Variants in ATP2A3 observed in about 807,000 individuals in gnomAD.
The protein encoded by ATP2A3 is sarcoplasmic/endoplasmic reticulum calcium ATPase 3.
Under a neutral mutation model 106.8 loss-of-function variants are expected in ATP2A3, and 61 were observed. That is an observed-to-expected ratio of 0.57 (90% CI 0.46 to 0.71). The LOEUF (loss-of-function observed/expected upper bound fraction) is 0.71, where lower values mean the gene tolerates loss of function less well. Among genes scored for constraint, ATP2A3 ranks in the 30% least tolerant of loss-of-function variants. The pLI is 0.00. For missense variants in ATP2A3, 1,201 were observed against 1,423.5 expected (o/e 0.84, Z 2.52); for synonymous variants, 611 against 609.3 (o/e 1.00, Z -0.04).
chr17:3,933,149 C>T (rs1405488607), intron 17 of ATP2A3, among the ~76,000 whole-genome samples: 13 of 151,460 alleles, frequency 8.6e-5, no homozygotes, highest in African/African-American at 2.4e-4. Flanking sequence ...GGCATGATGG[C>T]GGGTGCCTGT....
At chr17:3,933,512 C>A (rs925854867) in intron 17 of ATP2A3, among the ~76,000 whole-genome samples, 1 of 150,762 alleles carries the variant, frequency 6.6e-6, no homozygotes, top group Admixed American at 6.6e-5. Context: ...CTGAGGCGGG[C>A]GGATCATGAG....
In ATP2A3 at chr17:3,953,559, G is replaced by A; in HGVS notation, c.137-130C>T. 2.0e-6 allele frequency: 3 copies of A among 1,487,256 alleles called. No homozygotes were observed. Among genetic ancestry groups the A allele is most frequent in the South Asian group, 1.2e-5 (1 of 84,816 alleles). 92.1% of individuals were successfully genotyped at this position (1,487,256 alleles called of 1,614,324 possible). ...CAGAAGAGGGAGAACCCAGGTCGCT[G>A]AGAGGCTCAGGTGGGTGATCCTGGG... On this transcript the variant is annotated intron_variant, in intron 2 of 20. Coordinates refer to ENST00000397041, the MANE Select transcript of ATP2A3 (RefSeq NM_005173.4). The surrounding 1 kb of genome is among the most constrained non-coding windows in gnomAD (Gnocchi z 5.1).
Position 3,944,813 on chromosome 17 carries a change from A to C in ATP2A3, c.1185-7T>G. 1 of 1,605,324 alleles carries C rather than the reference A, an allele frequency of 6.2e-7. No homozygotes were observed. Among genetic ancestry groups the C allele is most frequent in the Non-Finnish European group, 8.5e-7 (1 of 1,176,006 alleles). ...AGGCTGATCCCCCTGCCGCCTGCGG[A>C]GCCGGGGCGGTCACCAGGAGGACCT... is the stretch of plus-strand genomic sequence containing the variant. On this transcript the variant is annotated splice_region_variant and splice_polypyrimidine_tract_variant and intron_variant, in intron 9 of 20. Coordinates refer to ENST00000397041, the MANE Select transcript of ATP2A3 (RefSeq NM_005173.4).
chr17:3,961,660 A>G (rs1398124053), intron 1 of ATP2A3, among the ~76,000 whole-genome samples: 1 of 151,990 alleles, frequency 6.6e-6, no homozygotes, highest in East Asian at 1.9e-4. Context: ...GGTGGGGAGA[A>G]CACATGTCTC....
At position 3,929,220 on chromosome 17, in the gene ATP2A3, C is replaced by T; in HGVS notation, c.2862+108G>A. The T allele has an allele frequency of 1.9e-6, 2 of 1,070,300 alleles. No individual in the cohort carries two copies. The highest frequency in any genetic ancestry group is 2.7e-6 in the Non-Finnish European group (2 of 738,284). 66.3% of individuals were successfully genotyped at this position (1,070,300 alleles called of 1,614,324 possible). On this transcript the variant is annotated intron_variant, in intron 19 of 20. Coordinates refer to ENST00000397041, the MANE Select transcript of ATP2A3 (RefSeq NM_005173.4). This position sits in a 1 kb window ranked among gnomAD's most constrained non-coding sequence, Gnocchi z 4.3. ...GTGGCTGGCCAGACCTCTCACCTCC[C>T]TCTCCTCCAGGTAGTTTCCATTGCA... is the stretch of plus-strand genomic sequence containing the variant.
At chr17:3,950,309 A>C (rs948868935) in intron 7 of ATP2A3, among the ~76,000 whole-genome samples, 2 of 151,016 alleles carry the variant, frequency 1.3e-5, no homozygotes, top group Non-Finnish European at 3.0e-5. Flanking sequence ...TTACAGGCAC[A>C]CGCCACCACC....
At chr17:3,958,901 GT>G (rs1242953984) in intron 1 of ATP2A3, among the ~76,000 whole-genome samples, 9 of 102,850 alleles carry the variant, frequency 8.8e-5, no homozygotes, top group African/African-American at 3.3e-4. Context: ...TATATATATT[GT>G]TTTTTTTCAG....
chr17:3,927,147 G>A (rs907817253), intron 20 of ATP2A3: 1 of 985,304 alleles, frequency 1.0e-6, no homozygotes, highest in Admixed American at 6.2e-5. Context: ...TCCTGGCCCA[G>A]CAGGAATCTC....
intron 17 of ATP2A3, 112 bp downstream of exon 17, chr17:3,935,080 C>T (rs1446190778): frequency 1.8e-6 from 2 of 1,107,300 alleles, no homozygotes; most frequent in Admixed American, 1.9e-5. Context: ...TCGTGTATAG[C>T]GAGTGGGGAA....
intron 20 of ATP2A3, chr17:3,927,454 G>A: frequency 2.0e-6 from 2 of 984,518 alleles, no homozygotes; most frequent in Non-Finnish European, 2.4e-6. Context: ...GTGTGGTCAA[G>A]GACGGCCCAG....
At chr17:3,944,622 C>T (rs2053981740) in intron 10 of ATP2A3, 82 bp downstream of exon 10, 1 of 1,464,116 alleles carries the variant, frequency 6.8e-7, no homozygotes, top group African/African-American at 1.4e-5. Flanking sequence ...GGGCTGCCAA[C>T]CCTGGGAGCT....
Position 3,941,245 on chromosome 17 carries a change from G to A in ATP2A3, c.1826C>T (p.Ala609Val), listed in dbSNP as rs1264296268. 6.2e-7 allele frequency: 1 copy of A among 1,613,926 alleles called. No homozygotes were observed. The highest frequency in any genetic ancestry group is 1.3e-5 in the African/African-American group (1 of 74,950). The part of the protein sequence containing the change: ...MLDPPRPEVA[A>V]CITRCYQAGI... ...CGCCTGGTAGCAGCGTGTGATGCAG[G>A]CAGCCACCTCAGGTCGCGGCGGGTC... is the stretch of plus-strand genomic sequence containing the variant. Residue 609 changes from alanine (A) to valine (V), a missense_variant, in exon 14 of 21, where the codon GCC becomes GTC. Physicochemically the swap from Ala to Val is moderately conservative, Grantham distance 64. This residue lies in a region of ATP2A3 where 935 missense variants were observed against 1,176.7 expected (regional missense o/e 0.79). Transcript: ENST00000397041.
At chr17:3,945,613 C>A (rs968277981) in intron 8 of ATP2A3, among the ~76,000 whole-genome samples, 2 of 152,212 alleles carry the variant, frequency 1.3e-5, no homozygotes. Context: ...GGGGCACAGA[C>A]CCCTCTAGCC....
At position 3,953,571 on chromosome 17, in the gene ATP2A3, T is replaced by G; in HGVS notation, c.136+122A>C. On this transcript the variant is annotated intron_variant, in intron 2 of 20. Transcript: ENST00000397041. This position sits in a 1 kb window ranked among gnomAD's most constrained non-coding sequence, Gnocchi z 5.1. Reference sequence around the variant, plus strand: ...AACCCAGGTCGCTGAGAGGCTCAGGTGGGTGATCCTGGGGAGCTCAGCAAG... The same window carrying G: ...AACCCAGGTCGCTGAGAGGCTCAGGGGGGTGATCCTGGGGAGCTCAGCAAG... The G allele has an allele frequency of 2.7e-6, 4 of 1,487,834 alleles. No individual in the cohort carries two copies. The highest frequency in any genetic ancestry group is 3.7e-6 in the Non-Finnish European group (4 of 1,086,590). The allele number at this position is 1,487,834 out of a possible 1,614,324, so 92.2% of individuals were successfully genotyped here.
intron 1 of ATP2A3, among the ~76,000 whole-genome samples, chr17:3,956,027 G>A (rs1272189678): frequency 6.6e-6 from 1 of 152,008 alleles, no homozygotes; most frequent in Non-Finnish European, 1.5e-5. Flanking sequence ...AATTACCGGT[G>A]CCTGCCACCA....
rs1420806692 is a variant in ATP2A3 at position 3,929,346 on chromosome 17, C to G, written c.2844G>C (p.Leu948=). The change falls in exon 19 of 21, where the codon CTG becomes CTC. Residue 948 remains leucine (L), a synonymous_variant. Coordinates refer to ENST00000397041, the MANE Select transcript of ATP2A3 (RefSeq NM_005173.4). This position sits in a 1 kb window ranked among gnomAD's most constrained non-coding sequence, Gnocchi z 4.3. Reference sequence around the variant, plus strand: ...GACTCACAGGCAGGGGCGGCACGAGCAGGATGAGGAAGTGCAGGGCCATGG... The same window carrying G: ...GACTCACAGGCAGGGGCGGCACGAGGAGGATGAGGAAGTGCAGGGCCATGG... ...AMSMALHFLI[L]LVPPLPLIFQ... is the part of the protein sequence containing the mutation. The G allele has an allele frequency of 6.4e-7, 1 of 1,553,650 alleles. No homozygotes were observed. Among genetic ancestry groups the G allele is most frequent in the African/African-American group, 1.4e-5 (1 of 73,170 alleles).
intron 1 of ATP2A3, among the ~76,000 whole-genome samples, chr17:3,958,837 C>T (rs1244818594): frequency 3.4e-4 from 43 of 128,190 alleles, no homozygotes; most frequent in African/African-American, 1.4e-3. Context: ...TATATACACA[C>T]ACACATATAT....
intron 1 of ATP2A3, among the ~76,000 whole-genome samples, chr17:3,956,425 A>G (rs1292349821): frequency 1.3e-5 from 2 of 152,220 alleles, no homozygotes; most frequent in Non-Finnish European, 2.9e-5. Flanking sequence ...CTAGGAGGTC[A>G]CTGTCCAGTA....
In ATP2A3 at chr17:3,928,147, TCTCCA is replaced by T; in HGVS notation, c.2980+511_2980+515del. 6.2e-7 allele frequency: 1 copy of T among 1,600,454 alleles called. No homozygotes were observed. Among genetic ancestry groups the T allele is most frequent in the Non-Finnish European group, 8.6e-7 (1 of 1,167,954 alleles). ...CAGCCCGACACCTGCCATCCTGTCC[TCTCCA>T]CTCCGGGGTTAAGGCAGACCCAGAG... On this transcript the variant is annotated intron_variant, in intron 20 of 20. Coordinates refer to ENST00000397041, the MANE Select transcript of ATP2A3 (RefSeq NM_005173.4). The surrounding 1 kb of genome is among the most constrained non-coding windows in gnomAD (Gnocchi z 6.1).
Sources: allele counts gnomAD v4.1 joint callset (sites outside exome capture counted in the v4.1 genomes callset), GRCh38; gene constraint gnomAD v4.1.1; regional missense constraint gnomAD v4.1.1; non-coding constraint Gnocchi (gnomAD v3.1); transcripts MANE v1.5; gene names NCBI Gene and HGNC (gene_info 2026-07-23, HGNC 2026-07-21).